The following HDAC9 variants were observed in gnomAD, a reference collection of about 807,000 sequenced individuals.
The protein encoded by HDAC9 is histone deacetylase 9.
In HDAC9, 41 loss-of-function variants were observed where a neutral mutation model predicts 139.4. The ratio of observed to expected loss-of-function variants is 0.29; its 90% CI spans 0.23 to 0.38. The LOEUF is 0.38. HDAC9 is among the 10% of genes least tolerant of loss of function. The pLI, the probability that HDAC9 is intolerant of heterozygous loss-of-function variation, is 1.00. For synonymous variants in HDAC9, 517 were observed against 476.2 expected, an observed-to-expected ratio of 1.09 and a Z score of -1.12; for missense variants, 1,147 against 1,297.0, an observed-to-expected ratio of 0.88 and a Z score of 1.78.
intron 17 of HDAC9, among the ~76,000 whole-genome samples, chr7:18,828,234 G>C (rs1795597861): frequency 6.6e-6 from 1 of 152,156 alleles, no homozygotes; most frequent in South Asian, 2.1e-4. Context: ...TATTTCAAAA[G>C]TTTTAGGATT....
chr7:18,365,063 A>C (rs751983798), intron 1 of HDAC9, among the ~76,000 whole-genome samples: 6 of 152,148 alleles, frequency 3.9e-5, no homozygotes, highest in Non-Finnish European at 8.8e-5. Context: ...AAACATTGAC[A>C]GCTGGTAAGT....
chr7:18,435,966 A>G (rs981993456), intron 1 of HDAC9, among the ~76,000 whole-genome samples: 16 of 149,556 alleles, frequency 1.1e-4, no homozygotes, highest in Middle Eastern at 7.1e-3. Flanking sequence ...TAAAGTATAC[A>G]TATATATGAA....
chr7:18,923,408 C>T (rs1327678942), intron 22 of HDAC9, among the ~76,000 whole-genome samples: 2 of 152,022 alleles, frequency 1.3e-5, no homozygotes, highest in African/African-American at 4.8e-5. Flanking sequence ...GAAAGATGTC[C>T]ATGACCTCTC....
intron 1 of HDAC9, among the ~76,000 whole-genome samples, chr7:18,445,398 C>A (rs908493750): frequency 1.3e-5 from 2 of 152,048 alleles, no homozygotes; most frequent in Non-Finnish European, 2.9e-5. Context: ...TAGTGTTAAT[C>A]AACTTGACAT....
intron 1 of HDAC9, among the ~76,000 whole-genome samples, chr7:18,131,707 G>A (rs537546749): frequency 2.0e-5 from 3 of 152,204 alleles, no homozygotes; most frequent in South Asian, 2.1e-4. Context: ...CTGATGTTAC[G>A]AACAAGAGAG....
intron 1 of HDAC9, among the ~76,000 whole-genome samples, chr7:18,446,190 A>T (rs1401408665): frequency 6.6e-6 from 1 of 152,262 alleles, no homozygotes; most frequent in Non-Finnish European, 1.5e-5. Context: ...ACACACACAG[A>T]ACTTCCACTA....
In HDAC9 at chr7:18,999,562, T is replaced by A. The variant is rs1180891153; in HGVS notation, c.*3500T>A. 1 of 152,178 alleles carries A rather than the reference T, an allele frequency of 6.6e-6. No homozygotes were observed. Among genetic ancestry groups the A allele is most frequent in the Non-Finnish European group, 1.5e-5 (1 of 68,114 alleles). The allele number at this position is 152,178 out of a possible 1,614,324, so 9.4% of individuals were successfully genotyped here. A position where few individuals can be genotyped will look rare whatever the true frequency, so the allele number is the denominator to read the frequency against. ...ACCTCCGCCTCCCGGGTTCAAGCAATTCTCCTGACGAGTAGCTGGGCATGC... is the reference window on the plus strand; with the variant it reads ...ACCTCCGCCTCCCGGGTTCAAGCAAATCTCCTGACGAGTAGCTGGGCATGC... On this transcript the variant is annotated 3_prime_UTR_variant, in exon 26 of 26. Transcript: ENST00000686413.
intron 1 of HDAC9, among the ~76,000 whole-genome samples, chr7:18,482,416 A>AAAAAAAAAAAAAAAAAAAAAAAT (rs1363675050): frequency 7.2e-6 from 1 of 139,564 alleles, no homozygotes; most frequent in Non-Finnish European, 1.5e-5. Context: ...AAAAAAAAAA[A>AAAAAAAAAAAAAAAAAAAAAAAT]ATTCTCCTTG....
intron 14 of HDAC9, among the ~76,000 whole-genome samples, chr7:18,755,971 T>C (rs957719330): frequency 1.3e-5 from 2 of 152,154 alleles, no homozygotes; most frequent in Non-Finnish European, 2.9e-5. Flanking sequence ...ACAGTGTCAG[T>C]ATCTTGCACT....
intron 1 of HDAC9, among the ~76,000 whole-genome samples, chr7:18,360,989 G>A (rs1043342954): frequency 1.3e-5 from 2 of 152,142 alleles, no homozygotes; most frequent in African/African-American, 2.4e-5. Context: ...CCACAGTTAA[G>A]GGGCAAATTT....
rs77027814 is a variant in HDAC9 at position 18,593,857 on chromosome 7, T to C, written c.543-51T>C. On this transcript the variant is annotated intron_variant, in intron 5 of 25. Transcript: ENST00000686413. ...TGTGCAGCTGATTATTGCTGACCAA[T>C]ATGCAGTAAAAACTACCAAGTAAAT... 2.4e-3 allele frequency: 3,824 copies of C among 1,603,192 alleles called. 37 individuals are homozygous for C. The highest frequency in any genetic ancestry group is 0.024 in the African/African-American group (1,774 of 74,786).
chr7:18,348,987 A>C (rs1364676904), intron 1 of HDAC9, among the ~76,000 whole-genome samples: 3 of 152,102 alleles, frequency 2.0e-5, no homozygotes, highest in African/African-American at 7.2e-5. Context: ...AAATTATTTT[A>C]ATACCTGTAT....
chr7:18,984,486 A>G (rs1785168688), intron 25 of HDAC9, among the ~76,000 whole-genome samples: 1 of 152,192 alleles, frequency 6.6e-6, no homozygotes, highest in South Asian at 2.1e-4. Context: ...AGGTCTATAC[A>G]TTGAACAGAG....
chr7:18,091,862 CTCTTAGAGGCTGCTGTTAT>C (rs1782173869), intron 1 of HDAC9, among the ~76,000 whole-genome samples: 1 of 152,230 alleles, frequency 6.6e-6, no homozygotes, highest in Non-Finnish European at 1.5e-5. Flanking sequence ...CTGCCCTTAA[CTCTTAGAGGCTGCTGTTAT>C]TCTTTGCCAT....
At chr7:18,633,331 A>G (rs1236092783) in intron 7 of HDAC9, among the ~76,000 whole-genome samples, 2 of 152,080 alleles carry the variant, frequency 1.3e-5, no homozygotes, top group African/African-American at 2.4e-5. Flanking sequence ...TGGGTAAGCT[A>G]TATTGCCAAG....
At chr7:18,264,756 T>C (rs1795896635) in intron 2 of HDAC9, among the ~76,000 whole-genome samples, 1 of 152,228 alleles carries the variant, frequency 6.6e-6, no homozygotes, top group Non-Finnish European at 1.5e-5. Context: ...TTTATATTAC[T>C]ATCTATCTTA....
intron 23 of HDAC9, among the ~76,000 whole-genome samples, chr7:18,951,040 A>G (rs1332830360): frequency 6.6e-6 from 1 of 151,996 alleles, no homozygotes; most frequent in Non-Finnish European, 1.5e-5. Flanking sequence ...TTCATAGCTC[A>G]TCAGTACAGC....
intron 1 of HDAC9, among the ~76,000 whole-genome samples, chr7:18,406,183 C>T (rs1487532931): frequency 6.6e-6 from 1 of 152,012 alleles, no homozygotes; most frequent in East Asian, 1.9e-4. Context: ...ATTATTTAAT[C>T]GATTCAAAAT....
intron 17 of HDAC9, among the ~76,000 whole-genome samples, chr7:18,814,698 C>T (rs1794435823): frequency 6.6e-6 from 1 of 152,056 alleles, no homozygotes; most frequent in African/African-American, 2.4e-5. Flanking sequence ...TTTCTGTGGT[C>T]AAAATTTGTA....
Sources: allele counts gnomAD v4.1 joint callset (sites outside exome capture counted in the v4.1 genomes callset), GRCh38; gene constraint gnomAD v4.1.1; transcripts MANE v1.5; gene names NCBI Gene and HGNC (gene_info 2026-07-23, HGNC 2026-07-21).